Variants in LY96 observed in about 807,000 individuals in gnomAD.
LY96 encodes myeloid differentiation protein-2.
Under a neutral mutation model 18.9 loss-of-function variants are expected in LY96, and 18 were observed. The observed-to-expected ratio is 0.95, with a 90% confidence interval of 0.66 to 1.41. The LOEUF (loss-of-function observed/expected upper bound fraction) is 1.41. Among genes scored for constraint, LY96 ranks in the 40% most tolerant of loss-of-function variants. The pLI, the probability that LY96 is intolerant of heterozygous loss-of-function variation, is 0.00. For missense variants in LY96, 175 were observed against 182.4 expected, an observed-to-expected ratio of 0.96 and a Z score of 0.23; for synonymous variants, 66 against 62.6, an observed-to-expected ratio of 1.06 and a Z score of -0.26.
chr8:74,029,411 T>C (rs574266474), downstream of LY96, among the ~76,000 whole-genome samples: 4 of 152,262 alleles, frequency 2.6e-5, no homozygotes, highest in African/African-American at 7.2e-5. Flanking sequence ...CCACATGTCA[T>C]GGGGGACCCA....
At chr8:74,068,083 A>ATATATATATATATATATAT in the LY96 span, among the ~76,000 whole-genome samples, 24 of 95,808 alleles carry the variant, frequency 2.5e-4, no homozygotes, top group African/African-American at 1.1e-3. Context: ...AAAAAAAAAA[A>ATATATATATATATATATAT]AAAAAAATAT....
At chr8:74,098,988 C>T in the LY96 span, among the ~76,000 whole-genome samples, 85 of 152,312 alleles carry the variant, frequency 5.6e-4, no homozygotes, top group Non-Finnish European at 7.6e-4. Context: ...TTTATAACCA[C>T]TATCAAGATT....
At chr8:74,051,616 C>T in the LY96 span, among the ~76,000 whole-genome samples, 1 of 152,014 alleles carries the variant, frequency 6.6e-6, no homozygotes, top group African/African-American at 2.4e-5. Flanking sequence ...TATTAGGTGG[C>T]GGGGTCTTGG....
chr8:73,996,368 C>T (rs1433132686), intron 1 of LY96, among the ~76,000 whole-genome samples: 943 of 62,364 alleles, frequency 0.015, no homozygotes, highest in Non-Finnish European at 0.02. Context: ...TTCCTTCCTT[C>T]ATTCCTTTCT....
At chr8:74,034,037 G>A (rs4738416), downstream of LY96, among the ~76,000 whole-genome samples, 46,166 of 151,936 alleles carry the variant, frequency 0.3, 9,462 homozygotes, top group African/African-American at 0.59. Flanking sequence ...GCCAAGTATA[G>A]TAAGCCTAAA....
At chr8:74,051,118 G>A in the LY96 span, among the ~76,000 whole-genome samples, 2 of 152,190 alleles carry the variant, frequency 1.3e-5, no homozygotes. Flanking sequence ...TGTGGCCAAT[G>A]GGCAGAAGAC....
rs1234074626 is a variant in LY96 at position 73,991,457 on chromosome 8, G to GT, written c.22dup (p.Ser8PhefsTer10). On this transcript the variant is annotated frameshift_variant, in exon 1 of 5. Coordinates refer to ENST00000284818, the MANE Select transcript of LY96 (RefSeq NM_015364.5). LOFTEE classifies it high-confidence loss of function. Reference sequence around the variant, plus strand: ...GATATTGAATCATGTTACCATTTCTGTTTTTTTCCACCCTGTTTTCTTCCA... The same window carrying GT: ...GATATTGAATCATGTTACCATTTCTGTTTTTTTTCCACCCTGTTTTCTTCCA... 6 of 1,603,978 alleles carry GT rather than the reference G, an allele frequency of 3.7e-6. No homozygotes were observed. Among genetic ancestry groups the GT allele is most frequent in the African/African-American group, 2.7e-5 (2 of 74,664 alleles).
intron 1 of LY96, among the ~76,000 whole-genome samples, chr8:73,997,776 T>C (rs1486119657): frequency 6.6e-6 from 1 of 152,154 alleles, no homozygotes; most frequent in Non-Finnish European, 1.5e-5. Context: ...TCATTTATGT[T>C]TACTGGTTTA....
intron 3 of LY96, among the ~76,000 whole-genome samples, chr8:74,025,015 T>A (rs899687047): frequency 1.3e-5 from 2 of 152,152 alleles, no homozygotes; most frequent in Admixed American, 6.6e-5. Flanking sequence ...TTTGTACAGA[T>A]AAGGCTTCAC....
chr8:74,011,871 A>G (rs1404845258), intron 3 of LY96, among the ~76,000 whole-genome samples: 1 of 152,028 alleles, frequency 6.6e-6, no homozygotes, highest in Admixed American at 6.6e-5. Flanking sequence ...AAAAAAAAAA[A>G]AAAAAAGTGG....
At chr8:74,041,741 G>A in the LY96 span, among the ~76,000 whole-genome samples, 6 of 152,256 alleles carry the variant, frequency 3.9e-5, no homozygotes, top group African/African-American at 1.2e-4. Context: ...AGGTCAGACC[G>A]GTTCTCTGCT....
At chr8:74,063,724 T>C in the LY96 span, among the ~76,000 whole-genome samples, 1 of 141,530 alleles carries the variant, frequency 7.1e-6, no homozygotes, top group Non-Finnish European at 1.5e-5. Flanking sequence ...GTACATCTTT[T>C]GTAAAATTTG....
At chr8:73,992,916 G>A (rs542375475) in intron 1 of LY96, among the ~76,000 whole-genome samples, 3 of 151,332 alleles carry the variant, frequency 2.0e-5, no homozygotes, top group Admixed American at 6.6e-5. Flanking sequence ...GTGCAGTGGC[G>A]CGATTTCGGC....
intron 4 of LY96, among the ~76,000 whole-genome samples, chr8:74,027,957 G>A (rs1282744076): frequency 6.6e-6 from 1 of 152,128 alleles, no homozygotes; most frequent in African/African-American, 2.4e-5. Flanking sequence ...ACTTGGTTGT[G>A]GAAGCCTGGG....
At chr8:74,055,230 A>G in the LY96 span, among the ~76,000 whole-genome samples, 1 of 152,282 alleles carries the variant, frequency 6.6e-6, no homozygotes, top group South Asian at 2.1e-4. Context: ...TCTTAAGGGC[A>G]CAGATACTAT....
At chr8:74,077,885 A>G in the LY96 span, among the ~76,000 whole-genome samples, 11 of 152,048 alleles carry the variant, frequency 7.2e-5, no homozygotes, top group African/African-American at 2.7e-4. Flanking sequence ...AGGTGGGAGG[A>G]CTGCTTGAAG....
intron 1 of LY96, among the ~76,000 whole-genome samples, chr8:73,999,244 A>T (rs1018226529): frequency 6.6e-6 from 1 of 152,094 alleles, no homozygotes; most frequent in Non-Finnish European, 1.5e-5. Context: ...TGTTGGGATT[A>T]CAGGTGTGAG....
chr8:74,009,267 C>T lies in LY96; in HGVS notation c.203-734C>T, dbSNP rs1018694406. ...AAAATTAGCTGGGCACGGTGGTAGG[C>T]GCCTGTAATCCCAGCTACTCCAGCG... On this transcript the variant is annotated intron_variant, in intron 2 of 4. Transcript: ENST00000284818. Among the ~76,000 whole-genome samples the T allele has an allele frequency of 2.9e-4, 43 of 149,104 alleles. 1 individual carries two copies. Among genetic ancestry groups the T allele is most frequent in the Non-Finnish European group, 4.9e-4 (33 of 67,510 alleles).
the LY96 span, among the ~76,000 whole-genome samples, chr8:74,049,423 T>TA: frequency 6.6e-6 from 1 of 152,242 alleles, no homozygotes; most frequent in Non-Finnish European, 1.5e-5. Context: ...TTTCAGGTGA[T>TA]ACACATTTTC....
Sources: allele counts gnomAD v4.1 joint callset (sites outside exome capture counted in the v4.1 genomes callset), GRCh38; gene constraint gnomAD v4.1.1; transcripts MANE v1.5; gene names NCBI Gene and HGNC (gene_info 2026-07-23, HGNC 2026-07-21).